Variants in CFAP92 observed in about 807,000 individuals in gnomAD.
CFAP92 encodes the protein uncharacterized protein CFAP92.
CFAP92 carries 86 observed loss-of-function variants against 106.3 expected under a neutral mutation model. That is an observed-to-expected ratio of 0.81 (90% CI 0.68 to 0.97). CFAP92 has a LOEUF of 0.97. CFAP92 is among the 50% of genes least tolerant of loss of function. CFAP92 has a pLI of 0.00. For missense variants in CFAP92, 1,204 were observed against 1,283.8 expected (o/e 0.94, Z 0.95); for synonymous variants, 477 against 506.4 (o/e 0.94, Z 0.78).
chr3:128,962,213 C>T (rs537222660), intron 9 of CFAP92, among the ~76,000 whole-genome samples: 1 of 152,264 alleles, frequency 6.6e-6, no homozygotes, highest in Non-Finnish European at 1.5e-5. Context: ...TAGACCATCA[C>T]GGACGCCGAG....
Position 128,935,572 on chromosome 3 carries a change from C to T in CFAP92, c.2259-253G>A, listed in dbSNP as rs190228180. On this transcript the variant is annotated intron_variant, in intron 10 of 15. Coordinates refer to ENST00000645291, the MANE Select transcript of CFAP92 (RefSeq NM_001394090.1). ...AGTAAAAAATACAAAATTAGCCGGG[C>T]GTGGTGGCACATGTCTGTAATCCCA... is the stretch of plus-strand genomic sequence containing the variant. 1.1e-3 allele frequency among the ~76,000 whole-genome samples: 164 copies of T among 152,122 alleles called. 1 individual carries two copies. The highest frequency in any genetic ancestry group is 2.7e-3 in the African/African-American group (114 of 41,512).
In CFAP92 at chr3:128,941,843, TATG is replaced by T. The variant is rs200395179; in HGVS notation, c.2258+3225_2258+3227del. Among the ~76,000 whole-genome samples the T allele has an allele frequency of 2.6e-5, 4 of 152,306 alleles. No individual in the cohort carries two copies. In the East Asian group the frequency reaches 7.7e-4, roughly 29 times the overall value. On this transcript the variant is annotated intron_variant, in intron 10 of 15. Transcript: ENST00000645291. ...CAGTTCAAAAATGTCTAATTTCCAT[TATG>T]ATTTCTTTTTGACCCACAAGTTATT... is the stretch of plus-strand genomic sequence containing the variant.
chr3:128,993,270 G>C lies in CFAP92; in HGVS notation c.35C>G (p.Pro12Arg). 1 of 1,613,818 alleles carries C rather than the reference G, an allele frequency of 6.2e-7. No homozygotes were observed. Among genetic ancestry groups the C allele is most frequent in the Non-Finnish European group, 8.5e-7 (1 of 1,179,862 alleles). Residue 12 changes from proline (P) to arginine (R), a missense_variant, in exon 2 of 16, where the codon CCC (proline) becomes CGC (arginine). By Grantham distance (103) the Pro-to-Arg change is moderately radical. Coordinates refer to ENST00000645291, the MANE Select transcript of CFAP92 (RefSeq NM_001394090.1). ...GGAGGAGATGGGCTCTATGCTTGCG[G>C]GGTCCTCTTCCCACTCCCAGGCATG... ...SLHAWEWEEDPASIEPISSIT... is the reference protein window; with the variant it reads ...SLHAWEWEEDRASIEPISSIT...
rs1387692226 is a variant in CFAP92, at chr3:128,978,103, G to C, written c.750C>G (p.Asn250Lys). The change falls in exon 5 of 16, where the codon AAC becomes AAG. Residue 250 changes from asparagine (N) to lysine (K), a missense_variant. Asn to Lys is a moderately conservative substitution (Grantham distance 94, BLOSUM62 0). Transcript: ENST00000645291. The stretch of plus-strand genomic sequence containing the variant: ...CTTGTTTTCCTGGCGGATGTTCCTG[G>C]TTCGACTCTTCTCTGACAATGTTGG... ...ENTNIVREES[N>K]QEHPPGKQEK... 2 of 1,613,842 alleles carry C rather than the reference G, an allele frequency of 1.2e-6. No individual in the cohort carries two copies. Among genetic ancestry groups the C allele is most frequent in the African/African-American group, 2.7e-5 (2 of 74,898 alleles).
intron 12 of CFAP92, 74 bp downstream of exon 12, chr3:128,932,626 T>C: frequency 5.0e-6 from 7 of 1,400,730 alleles, no homozygotes; most frequent in Non-Finnish European, 6.7e-6. Context: ...GAATATGCCC[T>C]ATGCCTCTCA....
chr3:129,024,144 C>T, the CFAP92 span, among the ~76,000 whole-genome samples: 1 of 152,194 alleles, frequency 6.6e-6, no homozygotes, highest in African/African-American at 2.4e-5. Flanking sequence ...CATAACACAC[C>T]ACACGAGGGC....
upstream of CFAP92, chr3:129,003,333 T>C (rs1944888472): frequency 4.2e-6 from 4 of 961,518 alleles, no homozygotes. Context: ...TTTTAGGCTC[T>C]GGGAACACAC....
upstream of CFAP92, chr3:129,004,169 T>TCCATGTTTCTCCATGGAGAAA: frequency 7.6e-7 from 1 of 1,322,702 alleles, no homozygotes; most frequent in Non-Finnish European, 9.7e-7. Context: ...CCACGCGCTC[T>TCCATGTTTCTCCATGGAGAAA]CGTGTTCCGC....
chr3:128,960,941 G>A (rs984915515), intron 9 of CFAP92, among the ~76,000 whole-genome samples: 9 of 152,146 alleles, frequency 5.9e-5, no homozygotes, highest in Admixed American at 3.9e-4. Flanking sequence ...CCTTCCCTCC[G>A]GGTCTCTATG....
intron 12 of CFAP92, among the ~76,000 whole-genome samples, chr3:128,927,738 AAATT>A (rs1446321566): frequency 6.6e-6 from 1 of 151,784 alleles, no homozygotes; most frequent in Admixed American, 6.6e-5. Context: ...AAAAAAAAAA[AAATT>A]AATTCTATTT....
At chr3:129,018,021 T>TACCATATAGTATGCAGTCCTGGCC in the CFAP92 span, among the ~76,000 whole-genome samples, 1 of 152,196 alleles carries the variant, frequency 6.6e-6, no homozygotes, top group Admixed American at 6.5e-5. Flanking sequence ...CCCTCCTGGC[T>TACCATATAGTATGCAGTCCTGGCC]ACCATATAGT....
chr3:128,912,610 C>T, intron 15 of CFAP92: 1 of 1,613,276 alleles, frequency 6.2e-7, no homozygotes, highest in Non-Finnish European at 8.5e-7. Context: ...CATGCTGAGG[C>T]AGGGGACAGT....
chr3:129,014,742 G>A, the CFAP92 span, among the ~76,000 whole-genome samples: 1 of 152,300 alleles, frequency 6.6e-6, no homozygotes, highest in African/African-American at 2.4e-5. This position sits in a 1 kb window ranked among gnomAD's most constrained non-coding sequence, Gnocchi z 4.3. Context: ...GATCCAGGGC[G>A]GAGGTGACTC....
intron 10 of CFAP92, among the ~76,000 whole-genome samples, chr3:128,938,095 G>C (rs1023285237): frequency 4.0e-5 from 6 of 151,538 alleles, no homozygotes; most frequent in African/African-American, 1.5e-4. Context: ...GCTGGGCATG[G>C]TGGCACATGC....
the CFAP92 span, among the ~76,000 whole-genome samples, chr3:129,023,355 C>T: frequency 1.4e-5 from 2 of 145,592 alleles, no homozygotes; most frequent in Non-Finnish European, 3.0e-5. Flanking sequence ...CTTGCTCAGT[C>T]ACCCAGGCTA....
Position 128,987,598 on chromosome 3 carries a change from C to G in CFAP92, c.667+18G>C. 1 of 1,610,316 alleles carries G rather than the reference C, an allele frequency of 6.2e-7. No individual in the cohort carries two copies. The highest frequency in any genetic ancestry group is 8.5e-7 in the Non-Finnish European group (1 of 1,177,262). ...AAGCCCCAGGCTTCCAGAACCATTT[C>G]AAATAAAACCAGAGCACCTGACTTA... On this transcript the variant is annotated intron_variant, in intron 4 of 15. Coordinates refer to ENST00000645291, the MANE Select transcript of CFAP92 (RefSeq NM_001394090.1).
the CFAP92 span, among the ~76,000 whole-genome samples, chr3:129,012,163 T>C: frequency 8.8e-3 from 1,341 of 152,358 alleles, 22 homozygotes; most frequent in African/African-American, 0.03. Context: ...TTTGGTGTCT[T>C]GATGCTTCTT....
chr3:128,979,652 T>C (rs1221580575), intron 4 of CFAP92, among the ~76,000 whole-genome samples: 11 of 152,054 alleles, frequency 7.2e-5, no homozygotes, highest in Non-Finnish European at 1.3e-4. Flanking sequence ...TGTAGGGACA[T>C]GGATGAAGCT....
chr3:128,931,777 C>T (rs2107704171), intron 12 of CFAP92, among the ~76,000 whole-genome samples: 1 of 152,156 alleles, frequency 6.6e-6, no homozygotes, highest in African/African-American at 2.4e-5. Flanking sequence ...AATCCCAACA[C>T]TTTGGGAGGC....
Sources: allele counts gnomAD v4.1 joint callset (sites outside exome capture counted in the v4.1 genomes callset), GRCh38; gene constraint gnomAD v4.1.1; non-coding constraint Gnocchi (gnomAD v3.1); transcripts MANE v1.5; gene names NCBI Gene and HGNC (gene_info 2026-07-23, HGNC 2026-07-21).